The following KDM8 variants were observed in gnomAD, a reference collection of about 807,000 sequenced individuals.
The protein encoded by KDM8 is lysine demethylase 8.
In KDM8, 35 loss-of-function variants were observed where a neutral mutation model predicts 46.9. The observed-to-expected ratio is 0.75, with a 90% CI of 0.57 to 0.99. The LOEUF is 0.99. Ranked by LOEUF, KDM8 falls within the 50% of genes least tolerant of loss-of-function variation. The pLI is 0.00. For missense variants in KDM8, 475 were observed against 537.0 expected (o/e 0.88, Z 1.14); for synonymous variants, 232 against 227.7 (o/e 1.02, Z -0.17).
chr16:27,207,324 A>C (rs528347060), intron 1 of KDM8, among the ~76,000 whole-genome samples: 122 of 152,292 alleles, frequency 8.0e-4, no homozygotes, highest in South Asian at 5.2e-3. Context: ...CAGGAGAATC[A>C]CTTGAACCTG....
At position 27,210,085 on chromosome 16, in the gene KDM8, C is replaced by T. The variant is rs1300122551; in HGVS notation, c.-31-8C>T. On this transcript the variant is annotated splice_region_variant and splice_polypyrimidine_tract_variant and intron_variant, in intron 1 of 7. Transcript: ENST00000286096. ...GTGTCTAACTCTTGTTTCTCTCCAC[C>T]TCCCCAGGCACGGGACTGAACCAGC... 4 of 1,587,286 alleles carry T rather than the reference C, an allele frequency of 2.5e-6. No individual in the cohort carries two copies. In the African/African-American group the frequency reaches 4.0e-5, roughly 16 times the overall value.
In KDM8 at chr16:27,220,563, C is replaced by G; in HGVS notation, c.1087-3C>G. 1 of 1,614,206 alleles carries G rather than the reference C, an allele frequency of 6.2e-7. No homozygotes were observed. Among genetic ancestry groups the G allele is most frequent in the Non-Finnish European group, 8.5e-7 (1 of 1,180,038 alleles). ...AGATGATGACGTCCTTTGCTTTCTT[C>G]AGGTTGACGTGGAGAATCCCGACCT... is the stretch of plus-strand genomic sequence containing the variant. On this transcript the variant is annotated splice_region_variant and splice_polypyrimidine_tract_variant and intron_variant, in intron 7 of 7. Coordinates refer to ENST00000286096, the MANE Select transcript of KDM8 (RefSeq NM_024773.3).
chr16:27,215,034 T>G (rs771803360), intron 4 of KDM8, 26 bp downstream of exon 4: 2 of 1,612,158 alleles, frequency 1.2e-6, no homozygotes, highest in East Asian at 4.5e-5. Flanking sequence ...TGCTTTCCCC[T>G]AGTACTTGCA....
intron 5 of KDM8, among the ~76,000 whole-genome samples, chr16:27,216,504 G>A (rs938828983): frequency 2.6e-5 from 4 of 152,190 alleles, no homozygotes; most frequent in African/African-American, 4.8e-5. Flanking sequence ...GGCCAGGTGC[G>A]TGTCCCGAAC....
chr16:27,221,279 C>T lies in KDM8; in HGVS notation c.*549C>T. 4.3e-6 allele frequency: 1 copy of T among 231,368 alleles called. No individual in the cohort carries two copies. Among genetic ancestry groups the T allele is most frequent in the South Asian group, 6.3e-5 (1 of 15,764 alleles). 14.3% of individuals were successfully genotyped at this position (231,368 alleles called of 1,614,324 possible). A position where few individuals can be genotyped will look rare whatever the true frequency, so the allele number is the denominator to read the frequency against. ...ATCCCAATTACTCTGATCCTTTTGC[C>T]CTTCCTTCCCATAACGGCCTGCTGG... On this transcript the variant is annotated 3_prime_UTR_variant, in exon 8 of 8. Transcript: ENST00000286096.
chr16:27,203,956 G>C (rs1018357846), intron 1 of KDM8: 4 of 625,842 alleles, frequency 6.4e-6, no homozygotes, highest in Non-Finnish European at 1.1e-5. Context: ...GGTTCTTGGC[G>C]TCGCGTTGGT....
chr16:27,213,914 GT>G, intron 3 of KDM8, 163 bp downstream of exon 3: 6 of 699,148 alleles, frequency 8.6e-6, no homozygotes, highest in Non-Finnish European at 1.4e-5. Flanking sequence ...GAAAAGTAAG[GT>G]GCTCTGAATT....
chr16:27,214,797 GGACCACATGCAA>G, intron 3 of KDM8, 67 bp from the exon 4 acceptor site: 3 of 1,520,540 alleles, frequency 2.0e-6, no homozygotes, highest in Non-Finnish European at 2.7e-6. Flanking sequence ...GGATGAAAGG[GGACCACATGCAA>G]AGCACACTTA....
intron 5 of KDM8, among the ~76,000 whole-genome samples, chr16:27,216,478 C>T (rs897413046): frequency 3.3e-5 from 5 of 152,128 alleles, no homozygotes; most frequent in Admixed American, 3.3e-4. Flanking sequence ...CAGCCCTTGG[C>T]AGGATTCAAG....
At chr16:27,204,068 A>G in intron 1 of KDM8, 2 of 1,545,770 alleles carry the variant, frequency 1.3e-6, no homozygotes, top group Non-Finnish European at 8.7e-7. Flanking sequence ...CAGGCTGGAA[A>G]CGATTCCGCC....
intron 5 of KDM8, among the ~76,000 whole-genome samples, chr16:27,218,226 G>A (rs2083575654): frequency 6.6e-6 from 1 of 151,994 alleles, no homozygotes; most frequent in South Asian, 2.1e-4. Context: ...AGGCTACAGT[G>A]AGCCATGATG....
chr16:27,207,477 G>A (rs1276735896), intron 1 of KDM8, among the ~76,000 whole-genome samples: 1 of 152,218 alleles, frequency 6.6e-6, no homozygotes, highest in Non-Finnish European at 1.5e-5. Context: ...CTACATAAAA[G>A]GCCAAATCAT....
At position 27,221,053 on chromosome 16, in the gene KDM8, AGGCAGGGG is replaced by A; in HGVS notation, c.*324_*331del. ...TTTTTGGGAAACGGGTGGGTCACAC[AGGCAGGGG>A]TGAAACATGGGCTCTGAGGTTGGCT... On this transcript the variant is annotated 3_prime_UTR_variant, in exon 8 of 8. Transcript: ENST00000286096. 1 of 401,234 alleles carries A rather than the reference AGGCAGGGG, an allele frequency of 2.5e-6. No individual in the cohort carries two copies. Among genetic ancestry groups the A allele is most frequent in the Non-Finnish European group, 4.8e-6 (1 of 210,488 alleles). The allele number at this position is 401,234 out of a possible 1,614,324, so 24.9% of individuals were successfully genotyped here.
In KDM8 at chr16:27,210,184, G is replaced by T; in HGVS notation, c.61G>T (p.Ala21Ser). The T allele has an allele frequency of 1.2e-6, 2 of 1,613,440 alleles. No homozygotes were observed. Among genetic ancestry groups the T allele is most frequent in the Non-Finnish European group, 8.5e-7 (1 of 1,180,034 alleles). Residue 21 changes from alanine to serine, a missense_variant, in exon 2 of 8, where the codon GCC becomes TCC. Ala to Ser is a moderately conservative substitution (Grantham distance 99, BLOSUM62 1). Transcript: ENST00000286096. ...PLAREGTLWEALRALLPHSKE... is the reference protein window; with the variant it reads ...PLAREGTLWESLRALLPHSKE... Reference sequence around the variant, plus strand: ...GGCCAGAGAAGGCACTTTATGGGAGGCCCTCAGGGCGCTCCTGCCGCACAG... The same window carrying T: ...GGCCAGAGAAGGCACTTTATGGGAGTCCCTCAGGGCGCTCCTGCCGCACAG...
rs752606076 is a variant in KDM8, at chr16:27,220,717, TC to T, written c.1239del (p.Trp414GlyfsTer9). 6.2e-7 allele frequency: 1 copy of T among 1,614,192 alleles called. No individual in the cohort carries two copies. The highest frequency in any genetic ancestry group is 1.1e-5 in the South Asian group (1 of 91,080). On this transcript the variant is annotated frameshift_variant, in exon 8 of 8. Transcript: ENST00000286096. LOFTEE classifies it high-confidence loss of function. ...CTGGATTTGAGCTTCTCGGTCAGCTTCTGGTGGTCGTAGCCAGGATAGGAGC... is the reference window on the plus strand; with the variant it reads ...CTGGATTTGAGCTTCTCGGTCAGCTTTGGTGGTCGTAGCCAGGATAGGAGC... ...RALDLSFSVS[F>X]WWS
At chr16:27,212,472 G>A (rs995226789) in intron 2 of KDM8, among the ~76,000 whole-genome samples, 8 of 152,250 alleles carry the variant, frequency 5.3e-5, no homozygotes, top group Admixed American at 2.0e-4. Flanking sequence ...GGTGGCTCAC[G>A]CCTATAATCC....
At chr16:27,218,385 G>A (rs543029269) in intron 5 of KDM8, among the ~76,000 whole-genome samples, 1 of 152,288 alleles carries the variant, frequency 6.6e-6, no homozygotes, top group East Asian at 1.9e-4. Context: ...AACTCTGTCA[G>A]AGGCCATGGG....
Position 27,213,737 on chromosome 16 carries a change from C to T in KDM8, c.651C>T (p.Cys217=). The T allele has an allele frequency of 6.2e-7, 1 of 1,614,156 alleles. No homozygotes were observed. The highest frequency in any genetic ancestry group is 8.5e-7 in the Non-Finnish European group (1 of 1,180,016). Residue 217 remains cysteine, a synonymous_variant, in exon 3 of 8, where the codon TGC becomes TGT. Transcript: ENST00000286096. ...ILKGVADHWP[C]MQKWSLEYIQ... Reference sequence around the variant, plus strand: ...AAGGCGTGGCTGACCACTGGCCGTGCATGCAGAAGTGGAGGTGGGTGGTCG... The same window carrying T: ...AAGGCGTGGCTGACCACTGGCCGTGTATGCAGAAGTGGAGGTGGGTGGTCG...
chr16:27,214,515 C>A, intron 3 of KDM8: 1 of 247,148 alleles, frequency 4.0e-6, no homozygotes, highest in East Asian at 8.1e-5. Flanking sequence ...GGGCAGAGTC[C>A]AGGAGACTGC....
Sources: allele counts gnomAD v4.1 joint callset (sites outside exome capture counted in the v4.1 genomes callset), GRCh38; gene constraint gnomAD v4.1.1; transcripts MANE v1.5; gene names NCBI Gene and HGNC (gene_info 2026-07-23, HGNC 2026-07-21).